ZNF783: variants seen among roughly 807,000 people sequenced by gnomAD.
ZNF783 encodes the protein protein ZNF783.
ZNF783 carries 25 observed loss-of-function variants against 31.3 expected under a neutral mutation model. The ratio of observed to expected loss-of-function variants is 0.80; its 90% CI spans 0.58 to 1.11. The LOEUF is 1.11. Ranked by LOEUF, ZNF783 falls within the 50% of genes most tolerant of loss-of-function variation. ZNF783 has a pLI of 0.00. For synonymous variants in ZNF783, 369 were observed against 319.1 expected, an observed-to-expected ratio of 1.16 and a Z score of -1.66; for missense variants, 797 against 760.0, an observed-to-expected ratio of 1.05 and a Z score of -0.57.
chr7:149,263,583 C>T (rs1027876861), intron 1 of ZNF783, among the ~76,000 whole-genome samples: 4 of 151,960 alleles, frequency 2.6e-5, no homozygotes, highest in Non-Finnish European at 4.4e-5. Flanking sequence ...AATTTTTCTC[C>T]TGGAGAAGGA....
chr7:149,272,746 C>T (rs1038446424), intron 4 of ZNF783, among the ~76,000 whole-genome samples: 12 of 152,074 alleles, frequency 7.9e-5, no homozygotes, highest in Admixed American at 2.6e-4. Context: ...TATAAACATT[C>T]CAATTATACT....
intron 4 of ZNF783, among the ~76,000 whole-genome samples, chr7:149,269,859 C>A (rs528326055): frequency 1.7e-4 from 23 of 135,848 alleles, no homozygotes; most frequent in African/African-American, 6.2e-4. Flanking sequence ...TGTGATGTTT[C>A]CCTTTCTGTG....
intron 4 of ZNF783, chr7:149,277,476 C>T (rs2129525099): frequency 6.6e-6 from 1 of 152,194 alleles, no homozygotes; most frequent in Admixed American, 6.5e-5. Context: ...CACAGTGGCT[C>T]ACTCCTGTAA....
chr7:149,271,037 C>T (rs1426212106), intron 4 of ZNF783, among the ~76,000 whole-genome samples: 1 of 152,200 alleles, frequency 6.6e-6, no homozygotes, highest in Non-Finnish European at 1.5e-5. Context: ...CTCCCGGGTT[C>T]ATGCCATTCT....
Position 149,281,746 on chromosome 7 carries a change from A to G in ZNF783, c.1044A>G (p.Ala348=). 1.4e-6 allele frequency: 2 copies of G among 1,480,896 alleles called. No homozygotes were observed. Among genetic ancestry groups the G allele is most frequent in the South Asian group, 1.4e-5 (1 of 73,562 alleles). The allele number at this position is 1,480,896 out of a possible 1,614,324, so 91.7% of individuals were successfully genotyped here. The change falls in exon 6 of 6, where the codon GCA becomes GCG. Residue 348 remains alanine, a synonymous_variant. Transcript: ENST00000434415. ...PRVLSRRRQR[A]FPCPDCGQSF... is the part of the protein sequence containing the mutation. ...TCCTCTCCCGCAGGCGGCAGCGGGC[A>G]TTCCCCTGCCCCGACTGCGGGCAGA...
In ZNF783 at chr7:149,281,503, A is replaced by AGGT; in HGVS notation, c.809_811dup. ...GGAAACCAACATAGACTCCTTTGCCAGGTGGTGGTGTGGCCATCAAGACAG... is the reference window on the plus strand; with the variant it reads ...GGAAACCAACATAGACTCCTTTGCCAGGTGGTGGTGGTGTGGCCATCAAGACAG... On this transcript the variant is annotated splice_acceptor_variant, in intron 5 of 5. Transcript: ENST00000434415. LOFTEE classifies it high-confidence loss of function. 1.4e-6 allele frequency: 2 copies of AGGT among 1,436,872 alleles called. No individual in the cohort carries two copies. Among genetic ancestry groups the AGGT allele is most frequent in the Non-Finnish European group, 1.8e-6 (2 of 1,101,638 alleles). 89.0% of individuals were successfully genotyped at this position (1,436,872 alleles called of 1,614,324 possible).
At chr7:149,266,161 G>A (rs191687019) in intron 1 of ZNF783, among the ~76,000 whole-genome samples, 174 bp from the exon 2 acceptor site, 17 of 152,222 alleles carry the variant, frequency 1.1e-4, no homozygotes, top group Middle Eastern at 3.4e-3. Flanking sequence ...TATCAGTTAG[G>A]CTGGATTCCT....
At position 149,263,298 on chromosome 7, in the gene ZNF783, GTGTGTGTATA is replaced by G. The variant is rs1393585863; in HGVS notation, c.24+943_24+952del. Among the ~76,000 whole-genome samples, 145 of 68,024 alleles carry G rather than the reference GTGTGTGTATA, an allele frequency of 2.1e-3. 1 individual carries two copies. The highest frequency in any genetic ancestry group is 5.8e-3 in the African/African-American group (101 of 17,492). The allele number at this position is 68,024 out of a possible 152,430, so 44.6% of individuals were successfully genotyped here. A position where few individuals can be genotyped will look rare whatever the true frequency, so the allele number is the denominator to read the frequency against. Reference sequence around the variant, plus strand: ...TGTGTGTGTGTGTGTGTGTGTGTGTGTGTGTGTATATATATATATATATATATTTTTTTTT... The same window carrying G: ...TGTGTGTGTGTGTGTGTGTGTGTGTGTATATATATATATATATTTTTTTTT... On this transcript the variant is annotated intron_variant, in intron 1 of 5. Transcript: ENST00000434415.
intron 4 of ZNF783, among the ~76,000 whole-genome samples, chr7:149,267,919 G>A (rs916649178): frequency 1.3e-5 from 2 of 152,140 alleles, no homozygotes; most frequent in Non-Finnish European, 2.9e-5. Context: ...CACAACCCCA[G>A]CCTGTGGCAG....
At chr7:149,263,284 G>GTA in intron 1 of ZNF783, among the ~76,000 whole-genome samples, 1 of 98,544 alleles carries the variant, frequency 1.0e-5, no homozygotes, top group African/African-American at 4.5e-5. Flanking sequence ...GTGTGTGTGT[G>GTA]TGTGTGTGTG....
intron 4 of ZNF783, among the ~76,000 whole-genome samples, chr7:149,272,341 A>G (rs1797226727): frequency 6.6e-6 from 1 of 152,108 alleles, no homozygotes; most frequent in South Asian, 2.1e-4. Context: ...GTAATCCTGG[A>G]AGTTGGATTT....
rs201412647 is a variant in ZNF783 at position 149,266,387 on chromosome 7, C to T, written c.77C>T (p.Pro26Leu). 842 of 1,599,364 alleles carry T rather than the reference C, an allele frequency of 5.3e-4. 4 individuals carry two copies. Among genetic ancestry groups the T allele is most frequent in the Admixed American group, 3.5e-4 (21 of 59,916 alleles). ...TEDQSPSTPL[P>L]QPAAEKNSYL... ...GACCAGAGTCCTTCGACACCCTTGC[C>T]CCAGCCAGCTGCTGAGAAGAACTCG... The change falls in exon 2 of 6, where the codon CCC (proline) becomes CTC (leucine). Residue 26 changes from proline to leucine, a missense_variant. By Grantham distance (98) the Pro-to-Leu change is moderately conservative (BLOSUM62 -3). Transcript: ENST00000434415.
At chr7:149,275,322 T>C (rs1251709539) in intron 4 of ZNF783, among the ~76,000 whole-genome samples, 2 of 149,792 alleles carry the variant, frequency 1.3e-5, no homozygotes, top group Non-Finnish European at 3.0e-5. Context: ...TCTTTCTTTT[T>C]TTTTTTTTTA....
chr7:149,270,538 T>G (rs1797186354), intron 4 of ZNF783, among the ~76,000 whole-genome samples: 3 of 152,268 alleles, frequency 2.0e-5, no homozygotes, highest in South Asian at 4.1e-4. Flanking sequence ...GACTTGGGCT[T>G]CTTTTTTTTC....
At chr7:149,273,084 T>C (rs1216467857) in intron 4 of ZNF783, among the ~76,000 whole-genome samples, 1 of 152,226 alleles carries the variant, frequency 6.6e-6, no homozygotes, top group Non-Finnish European at 1.5e-5. Context: ...AGGATCTCAT[T>C]CTTTTTTTAT....
chr7:149,283,202 G>A lies in ZNF783; in HGVS notation c.*859G>A, dbSNP rs539201021. The A allele has an allele frequency of 6.6e-6, 1 of 152,030 alleles. No homozygotes were observed. The highest frequency in any genetic ancestry group is 6.6e-5 in the Admixed American group (1 of 15,264). The allele number at this position is 152,030 out of a possible 1,614,324, so 9.4% of individuals were successfully genotyped here. A position where few individuals can be genotyped will look rare whatever the true frequency, so the allele number is the denominator to read the frequency against. On this transcript the variant is annotated 3_prime_UTR_variant, in exon 6 of 6. Coordinates refer to ENST00000434415, the MANE Select transcript of ZNF783 (RefSeq NM_001195220.2). Reference sequence around the variant, plus strand: ...TCCAGACTGGTCTCGAACTCCTGATGTTAGGTGACCCGCACACCTCGGCCT... The same window carrying A: ...TCCAGACTGGTCTCGAACTCCTGATATTAGGTGACCCGCACACCTCGGCCT...
intron 1 of ZNF783, among the ~76,000 whole-genome samples, chr7:149,264,216 A>G (rs10240897): frequency 0.036 from 5,496 of 152,308 alleles, 167 homozygotes; most frequent in African/African-American, 0.082. Context: ...TACATTTACT[A>G]TGATAGGTGT....
chr7:149,267,669 C>T lies in ZNF783; in HGVS notation c.673+447C>T, dbSNP rs181731857. ...AAAATTAGCCGGGCGTGGTGGCAGG[C>T]GCCTGTAGTCCCAGCTACTCGGGAG... is the stretch of plus-strand genomic sequence containing the variant. On this transcript the variant is annotated intron_variant, in intron 4 of 5. Transcript: ENST00000434415. Among the ~76,000 whole-genome samples, 562 of 152,136 alleles carry T rather than the reference C, an allele frequency of 3.7e-3. 6 individuals are homozygous for T. Among genetic ancestry groups the T allele is most frequent in the African/African-American group, 0.013 (533 of 41,506 alleles).
intron 1 of ZNF783, among the ~76,000 whole-genome samples, chr7:149,264,396 G>A (rs902593354): frequency 6.6e-6 from 1 of 152,128 alleles, no homozygotes; most frequent in African/African-American, 2.4e-5. Context: ...GAGGAGGGCC[G>A]GGTGGGTCCT....
Sources: allele counts gnomAD v4.1 joint callset (sites outside exome capture counted in the v4.1 genomes callset), GRCh38; gene constraint gnomAD v4.1.1; transcripts MANE v1.5; gene names NCBI Gene and HGNC (gene_info 2026-07-23, HGNC 2026-07-21).